Variants in ADAMTS20 observed in about 807,000 individuals in gnomAD.
ADAMTS20 encodes the protein A disintegrin and metalloproteinase with thrombospondin motifs 20.
ADAMTS20 carries 225 observed loss-of-function variants against 260.1 expected under a neutral mutation model. That is an observed-to-expected ratio of 0.87 (90% CI 0.78 to 0.97). The LOEUF (loss-of-function observed/expected upper bound fraction) is 0.97. Ranked by LOEUF, ADAMTS20 falls within the 50% of genes least tolerant of loss-of-function variation. The pLI, the probability that ADAMTS20 is intolerant of heterozygous loss-of-function variation, is 0.00. For synonymous variants in ADAMTS20, 802 were observed against 769.5 expected, an observed-to-expected ratio of 1.04 and a Z score of -0.70; for missense variants, 2,400 against 2,337.7, an observed-to-expected ratio of 1.03 and a Z score of -0.55.
At chr12:43,396,117 C>A (rs1940697461) in intron 29 of ADAMTS20, among the ~76,000 whole-genome samples, 1 of 151,814 alleles carries the variant, frequency 6.6e-6, no homozygotes, top group African/African-American at 2.4e-5. Flanking sequence ...TAAGGATATA[C>A]ATTTGAACAT....
At chr12:43,454,199 A>G in intron 11 of ADAMTS20, 147 bp from the exon 12 acceptor site, 1 of 915,214 alleles carries the variant, frequency 1.1e-6, no homozygotes, top group East Asian at 2.8e-5. Flanking sequence ...ATTTGAAATG[A>G]TTTTATGAAT....
intron 29 of ADAMTS20, among the ~76,000 whole-genome samples, chr12:43,390,606 GAGT>G (rs1355608711): frequency 6.6e-6 from 1 of 152,184 alleles, no homozygotes; most frequent in Non-Finnish European, 1.5e-5. Context: ...ACTGGAACAT[GAGT>G]ACAGTTCTGT....
chr12:43,364,620 G>T (rs1407358281), intron 37 of ADAMTS20, among the ~76,000 whole-genome samples: 1 of 152,026 alleles, frequency 6.6e-6, no homozygotes, highest in Non-Finnish European at 1.5e-5. Context: ...TTGTCTACTG[G>T]AGCTAGTAGA....
At chr12:43,376,922 T>A (rs1362052380) in intron 32 of ADAMTS20, among the ~76,000 whole-genome samples, 1 of 152,366 alleles carries the variant, frequency 6.6e-6, no homozygotes. Flanking sequence ...AAATACTTAA[T>A]AAACATTAGT....
At position 43,428,740 on chromosome 12, in the gene ADAMTS20, A is replaced by G. The variant is rs1284915210; in HGVS notation, c.3549T>C (p.Leu1183=). The part of the protein sequence containing the change: ...QARYVSCRDA[L]DRIADESYCA... ...AATATGATTCATCTGCTATTCTATCAAGAGCATCACGACAGCTTACATAGC... is the reference window on the plus strand; with the variant it reads ...AATATGATTCATCTGCTATTCTATCGAGAGCATCACGACAGCTTACATAGC... The change falls in exon 25 of 39, where the codon CTT becomes CTC. Residue 1183 remains leucine (L), a synonymous_variant. Transcript: ENST00000389420. 4 of 1,612,338 alleles carry G rather than the reference A, an allele frequency of 2.5e-6. No individual in the cohort carries two copies. The highest frequency in any genetic ancestry group is 3.4e-6 in the Non-Finnish European group (4 of 1,178,826).
At chr12:43,508,248 A>G (rs1334247553) in intron 3 of ADAMTS20, among the ~76,000 whole-genome samples, 1 of 152,344 alleles carries the variant, frequency 6.6e-6, no homozygotes, top group East Asian at 1.9e-4. Context: ...GCAATAAAAA[A>G]GCATAAATTT....
At chr12:43,549,689 G>A (rs1943487190) in intron 2 of ADAMTS20, among the ~76,000 whole-genome samples, 1 of 152,142 alleles carries the variant, frequency 6.6e-6, no homozygotes, top group African/African-American at 2.4e-5. Flanking sequence ...AGGTGGCTAT[G>A]TAAATATTAG....
At chr12:43,467,589 CGT>C (rs747230404) in intron 8 of ADAMTS20, among the ~76,000 whole-genome samples, 106 of 152,126 alleles carry the variant, frequency 7.0e-4, no homozygotes, top group Non-Finnish European at 9.4e-4. Context: ...CTGCAAAAAT[CGT>C]CTTCTACTGG....
chr12:43,380,001 T>C (rs1009068408), intron 31 of ADAMTS20, among the ~76,000 whole-genome samples: 9 of 150,234 alleles, frequency 6.0e-5, no homozygotes, highest in Non-Finnish European at 8.9e-5. Context: ...AAAAAAACTA[T>C]AGACCAGTAG....
chr12:43,428,503 GT>G lies in ADAMTS20; in HGVS notation c.3682del (p.Thr1228GlnfsTer8). The G allele has an allele frequency of 6.2e-7, 1 of 1,613,590 alleles. No homozygotes were observed. Among genetic ancestry groups the G allele is most frequent in the Non-Finnish European group, 8.5e-7 (1 of 1,179,670 alleles). ...GTTCATGCATAAAACTTGTCGAGTT[GT>G]TTTTCCATGGCCACAGGAAGCTGAA... ...PCSASCGHGK[T>X]TRQVLCMNYH... On this transcript the variant is annotated frameshift_variant, in exon 26 of 39. Coordinates refer to ENST00000389420, the MANE Select transcript of ADAMTS20 (RefSeq NM_025003.5). LOFTEE classifies it high-confidence loss of function.
rs1340855843 is a variant in ADAMTS20, at chr12:43,401,698, T to G, written c.4285-2465A>C. Among the ~76,000 whole-genome samples the G allele has an allele frequency of 2.0e-5, 3 of 150,992 alleles. No individual in the cohort carries two copies. The South Asian group carries it at 6.2e-4, about 31-fold the overall frequency. ...ACATAATTTAAACATAAATCTATTT[T>G]TATCAATCTTTATATTTTATAATTT... is the stretch of plus-strand genomic sequence containing the variant. On this transcript the variant is annotated intron_variant, in intron 28 of 38. Transcript: ENST00000389420.
At chr12:43,400,699 A>T (rs1940793054) in intron 28 of ADAMTS20, among the ~76,000 whole-genome samples, 1 of 151,770 alleles carries the variant, frequency 6.6e-6, no homozygotes, top group Admixed American at 6.6e-5. Context: ...TCAGAGTATA[A>T]CCTATTCTAT....
intron 29 of ADAMTS20, among the ~76,000 whole-genome samples, chr12:43,384,536 G>C (rs1384344876): frequency 6.6e-6 from 1 of 151,912 alleles, no homozygotes; most frequent in Non-Finnish European, 1.5e-5. Flanking sequence ...CATGTGCCAT[G>C]GTGGTTTGCT....
At chr12:43,452,453 A>AGC (rs1231351695) in intron 13 of ADAMTS20, 43 bp from the exon 14 acceptor site, 9 of 1,606,800 alleles carry the variant, frequency 5.6e-6, no homozygotes, top group Non-Finnish European at 7.6e-6. Context: ...TATAATAATA[A>AGC]AGCTATGTGT....
intron 3 of ADAMTS20, among the ~76,000 whole-genome samples, chr12:43,516,123 G>A (rs756988811): frequency 4.6e-5 from 7 of 151,712 alleles, no homozygotes; most frequent in African/African-American, 7.3e-5. Flanking sequence ...TGAGATGCTC[G>A]CCACATGAAA....
At chr12:43,375,631 G>T in intron 35 of ADAMTS20, 119 bp from the exon 36 acceptor site, 1 of 1,153,892 alleles carries the variant, frequency 8.7e-7, no homozygotes. Context: ...GTGTCAACAA[G>T]TTAAACAAGA....
At chr12:43,543,327 A>G (rs1018829159) in intron 2 of ADAMTS20, among the ~76,000 whole-genome samples, 2 of 152,082 alleles carry the variant, frequency 1.3e-5, no homozygotes, top group African/African-American at 4.8e-5. Flanking sequence ...AAAAAGAAAG[A>G]AAAGTAATCA....
At position 43,378,990 on chromosome 12, in the gene ADAMTS20, T is replaced by G. The variant is rs76948501; in HGVS notation, c.4798-1428A>C. Reference sequence around the variant, plus strand: ...GGTTTAACTTCTCCTATTTCCATTCTCTTCTTTCTAGCTCCATGGTAACCT... The same window carrying G: ...GGTTTAACTTCTCCTATTTCCATTCGCTTCTTTCTAGCTCCATGGTAACCT... On this transcript the variant is annotated intron_variant, in intron 31 of 38. Transcript: ENST00000389420. Among the ~76,000 whole-genome samples, 5 of 152,332 alleles carry G rather than the reference T, an allele frequency of 3.3e-5. No homozygotes were observed. In the East Asian group the frequency reaches 9.6e-4, roughly 29 times the overall value.
chr12:43,407,120 A>G (rs965475829), intron 28 of ADAMTS20, among the ~76,000 whole-genome samples: 1 of 152,022 alleles, frequency 6.6e-6, no homozygotes, highest in Non-Finnish European at 1.5e-5. Context: ...TAAGCCAAGA[A>G]AGCATTTGGT....
Sources: allele counts gnomAD v4.1 joint callset (sites outside exome capture counted in the v4.1 genomes callset), GRCh38; gene constraint gnomAD v4.1.1; transcripts MANE v1.5; gene names NCBI Gene and HGNC (gene_info 2026-07-23, HGNC 2026-07-21).